The following NAALADL2 variants were observed in gnomAD, a reference collection of about 807,000 sequenced individuals.
NAALADL2 encodes N-acetylated alpha-linked acidic dipeptidase like 2.
NAALADL2 carries 76 observed loss-of-function variants against 87.2 expected under a neutral mutation model. That is an observed-to-expected ratio of 0.87 (90% confidence interval 0.72 to 1.05). The LOEUF is 1.05. NAALADL2 is among the 50% of genes least tolerant of loss of function. NAALADL2 has a pLI of 0.00. For synonymous variants in NAALADL2, 354 were observed against 331.0 expected (o/e 1.07, Z -0.75); for missense variants, 1,089 against 945.8 (o/e 1.15, Z -1.99).
chr3:174,758,419 A>G (rs1712427338), intron 3 of NAALADL2, among the ~76,000 whole-genome samples: 1 of 152,206 alleles, frequency 6.6e-6, no homozygotes, highest in Admixed American at 6.5e-5. Context: ...CTCAGTGATC[A>G]TTCTCTTTCG....
chr3:175,143,592 T>C (rs952773130), intron 2 of NAALADL2, among the ~76,000 whole-genome samples: 3 of 150,930 alleles, frequency 2.0e-5, no homozygotes, highest in African/African-American at 7.3e-5. Context: ...TACCATCACA[T>C]TTAAAAGTCA....
chr3:175,257,125 T>G (rs1351403144), intron 4 of NAALADL2: 1 of 151,972 alleles, frequency 6.6e-6, no homozygotes, highest in Non-Finnish European at 1.5e-5. Context: ...GTAATTAAGT[T>G]TCTGATGATG....
chr3:175,406,926 A>G lies in NAALADL2; in HGVS notation c.1091-40303A>G, dbSNP rs192735277. On this transcript the variant is annotated intron_variant, in intron 5 of 13. Coordinates refer to ENST00000454872, the MANE Select transcript of NAALADL2 (RefSeq NM_207015.3). ...CCGGGCGCTGTGGCTCACGCCTGTAATCCCAGCACTTTGGGAGGCTGAGGT... is the reference window on the plus strand; with the variant it reads ...CCGGGCGCTGTGGCTCACGCCTGTAGTCCCAGCACTTTGGGAGGCTGAGGT... Among the ~76,000 whole-genome samples, 299 of 152,188 alleles carry G rather than the reference A, an allele frequency of 2.0e-3. 1 individual carries two copies. Among genetic ancestry groups the G allele is most frequent in the Non-Finnish European group, 3.2e-3 (218 of 68,014 alleles).
chr3:174,840,672 C>A (rs1352320175), intron 3 of NAALADL2, among the ~76,000 whole-genome samples: 1 of 152,072 alleles, frequency 6.6e-6, no homozygotes, highest in Non-Finnish European at 1.5e-5. Flanking sequence ...TCATAGGTAT[C>A]TCCCCATTCA....
In NAALADL2 at chr3:175,206,298, A is replaced by G. The variant is rs1205343406; in HGVS notation, c.546-27633A>G. Among the ~76,000 whole-genome samples, 37 of 105,928 alleles carry G rather than the reference A, an allele frequency of 3.5e-4. 3 individuals are homozygous for G. Among genetic ancestry groups the G allele is most frequent in the African/African-American group, 9.0e-4 (17 of 18,790 alleles). 69.5% of individuals were successfully genotyped at this position (105,928 alleles called of 152,430 possible). ...TCACTGTGTGTGTGTATGTATGTGT[A>G]TATATATATATATACACATACATAC... On this transcript the variant is annotated intron_variant, in intron 2 of 13. Transcript: ENST00000454872.
chr3:174,534,996 C>A (rs1180650027), intron 1 of NAALADL2, among the ~76,000 whole-genome samples: 2 of 152,258 alleles, frequency 1.3e-5, no homozygotes, highest in East Asian at 3.9e-4. Context: ...ATAAACACAT[C>A]CTTCTGGTAA....
intron 2 of NAALADL2, among the ~76,000 whole-genome samples, chr3:174,684,982 T>C (rs1318482430): frequency 6.6e-6 from 1 of 152,124 alleles, no homozygotes; most frequent in African/African-American, 2.4e-5. Context: ...CTCTCATCTC[T>C]TTACCTTTTA....
At chr3:175,275,256 A>G (rs1312311085) in intron 4 of NAALADL2, among the ~76,000 whole-genome samples, 1 of 152,188 alleles carries the variant, frequency 6.6e-6, no homozygotes, top group East Asian at 1.9e-4. Context: ...AACCCAGACA[A>G]TTTCTAAGAA....
chr3:175,525,264 A>G (rs1022529725), intron 9 of NAALADL2, among the ~76,000 whole-genome samples: 8 of 152,152 alleles, frequency 5.3e-5, no homozygotes, highest in African/African-American at 1.9e-4. Flanking sequence ...TAATAAGGAA[A>G]CTAATCCAGA....
intron 1 of NAALADL2, among the ~76,000 whole-genome samples, chr3:174,522,857 C>G (rs1480496543): frequency 1.4e-5 from 2 of 147,844 alleles, no homozygotes; most frequent in Non-Finnish European, 3.0e-5. Flanking sequence ...TGGCGTGAAC[C>G]CGGGAGGCGG....
At chr3:175,184,017 T>C (rs1472576046) in intron 2 of NAALADL2, among the ~76,000 whole-genome samples, 1 of 152,122 alleles carries the variant, frequency 6.6e-6, no homozygotes, top group African/African-American at 2.4e-5. Flanking sequence ...GCCTTCACAC[T>C]ACGTTGCCAT....
intron 2 of NAALADL2, among the ~76,000 whole-genome samples, chr3:174,697,170 T>C (rs567674681): frequency 2.0e-5 from 3 of 152,280 alleles, no homozygotes; most frequent in Non-Finnish European, 4.4e-5. Flanking sequence ...AATGCCATAA[T>C]TTTACTTATT....
chr3:175,569,620 T>G (rs1717723512), intron 9 of NAALADL2, among the ~76,000 whole-genome samples: 1 of 151,158 alleles, frequency 6.6e-6, no homozygotes, highest in Non-Finnish European at 1.5e-5. Context: ...AGATACAAGA[T>G]CTCTCTCTCT....
chr3:175,498,298 A>G (rs978834368), intron 9 of NAALADL2, among the ~76,000 whole-genome samples: 5 of 152,112 alleles, frequency 3.3e-5, no homozygotes, highest in African/African-American at 1.2e-4. Flanking sequence ...ATAATATCAG[A>G]GAAAATACCA....
At chr3:174,727,442 T>A (rs569611907) in intron 2 of NAALADL2, among the ~76,000 whole-genome samples, 2 of 152,228 alleles carry the variant, frequency 1.3e-5, no homozygotes, top group Middle Eastern at 3.4e-3. Context: ...TACTACCATA[T>A]TCTTTAAACA....
At chr3:175,789,242 A>AT (rs1263599046) in intron 13 of NAALADL2, among the ~76,000 whole-genome samples, 1 of 151,786 alleles carries the variant, frequency 6.6e-6, no homozygotes, top group South Asian at 2.1e-4. Context: ...CAAGGTAATT[A>AT]TTTTTCCTTA....
chr3:175,385,595 T>C (rs990120348), intron 5 of NAALADL2, among the ~76,000 whole-genome samples: 5 of 152,130 alleles, frequency 3.3e-5, no homozygotes, highest in Non-Finnish European at 7.4e-5. Context: ...CATTAATCAA[T>C]TGTACATGTC....
intron 2 of NAALADL2, among the ~76,000 whole-genome samples, chr3:174,560,353 C>G (rs983293301): frequency 2.0e-5 from 3 of 152,162 alleles, no homozygotes; most frequent in Non-Finnish European, 4.4e-5. Flanking sequence ...TCCCATTGAA[C>G]AGACTAGGAC....
chr3:175,138,936 G>C (rs1356925488), intron 2 of NAALADL2, among the ~76,000 whole-genome samples: 1 of 127,220 alleles, frequency 7.9e-6, no homozygotes, highest in African/African-American at 3.2e-5. Context: ...GATAGTGAAG[G>C]TTTTATTTCT....
Sources: allele counts gnomAD v4.1 joint callset (sites outside exome capture counted in the v4.1 genomes callset), GRCh38; gene constraint gnomAD v4.1.1; transcripts MANE v1.5; gene names NCBI Gene and HGNC (gene_info 2026-07-23, HGNC 2026-07-21).